COL24A1: variants seen among roughly 807,000 people sequenced by gnomAD.
COL24A1 encodes collagen type XXIV alpha 1 chain.
COL24A1 carries 224 observed loss-of-function variants against 253.9 expected under a neutral mutation model. That is an observed-to-expected ratio of 0.88 (90% confidence interval 0.79 to 0.99). The LOEUF (loss-of-function observed/expected upper bound fraction) is 0.99. COL24A1 is among the 50% of genes least tolerant of loss of function. The pLI, the probability that COL24A1 is intolerant of heterozygous loss-of-function variation, is 0.00. For synonymous variants in COL24A1, 685 were observed against 673.7 expected (o/e 1.02, Z -0.26); for missense variants, 2,131 against 2,068.5 (o/e 1.03, Z -0.59).
At chr1:85,746,068 T>C (rs1231053537) in intron 55 of COL24A1, among the ~76,000 whole-genome samples, 1 of 152,070 alleles carries the variant, frequency 6.6e-6, no homozygotes, top group Non-Finnish European at 1.5e-5. Flanking sequence ...AATATATTTT[T>C]AGAAAAAGAC....
intron 14 of COL24A1, among the ~76,000 whole-genome samples, chr1:86,031,219 C>T (rs1698540442): frequency 6.6e-6 from 1 of 151,908 alleles, no homozygotes. Context: ...CACATGTTCT[C>T]ACAAATATGT....
At chr1:85,844,148 G>T (rs900752217) in intron 39 of COL24A1, among the ~76,000 whole-genome samples, 2 of 151,882 alleles carry the variant, frequency 1.3e-5, no homozygotes, top group African/African-American at 4.8e-5. Flanking sequence ...AGAGAAAAAG[G>T]AATCTTTTGA....
At chr1:86,083,658 T>C (rs1037983350) in intron 7 of COL24A1, among the ~76,000 whole-genome samples, 1 of 152,126 alleles carries the variant, frequency 6.6e-6, no homozygotes, top group African/African-American at 2.4e-5. Context: ...TAGTTCTACT[T>C]AGCTAACCTG....
intron 58 of COL24A1, chr1:85,736,332 ACAAC>A (rs1557930356): frequency 2.2e-6 from 1 of 456,226 alleles, no homozygotes; most frequent in Non-Finnish European, 4.4e-6. Flanking sequence ...GGTCATGGAA[ACAAC>A]TAGAGTCCGC....
intron 3 of COL24A1, 78 bp from the exon 4 acceptor site, chr1:86,115,456 C>T (rs1400915824): frequency 2.2e-6 from 3 of 1,384,682 alleles, no homozygotes; most frequent in Non-Finnish European, 3.0e-6. Context: ...AAGATTTCCA[C>T]CCAAAGACAA....
intron 5 of COL24A1, among the ~76,000 whole-genome samples, chr1:86,107,891 T>C (rs1361122932): frequency 6.6e-6 from 1 of 152,202 alleles, no homozygotes; most frequent in Non-Finnish European, 1.5e-5. Flanking sequence ...GACACAGTTA[T>C]CAAATTCTTA....
At chr1:85,784,975 C>T (rs1669531181) in intron 48 of COL24A1, among the ~76,000 whole-genome samples, 1 of 152,082 alleles carries the variant, frequency 6.6e-6, no homozygotes, top group African/African-American at 2.4e-5. Context: ...AAGTGATCCT[C>T]CTGCATTAGC....
chr1:86,038,335 T>C (rs1371243628), intron 12 of COL24A1, among the ~76,000 whole-genome samples: 1 of 152,164 alleles, frequency 6.6e-6, no homozygotes, highest in Admixed American at 6.6e-5. Context: ...AATTAGATAA[T>C]TAATTTCTCT....
At chr1:85,779,289 G>C (rs941870070) in intron 52 of COL24A1, among the ~76,000 whole-genome samples, 9 of 152,122 alleles carry the variant, frequency 5.9e-5, no homozygotes, top group Admixed American at 4.6e-4. Context: ...ACGTAGGAGT[G>C]AACATCTGGC....
chr1:86,153,576 A>C (rs1653071042), intron 1 of COL24A1, among the ~76,000 whole-genome samples: 1 of 152,216 alleles, frequency 6.6e-6, no homozygotes. Flanking sequence ...TAATTCCCAT[A>C]ATAACATTTA....
intron 5 of COL24A1, among the ~76,000 whole-genome samples, chr1:86,099,258 TA>T (rs1370296766): frequency 6.6e-6 from 1 of 152,168 alleles, no homozygotes; most frequent in Admixed American, 6.5e-5. Context: ...AATCTGTTTT[TA>T]AAGGAAACTT....
At chr1:86,001,298 G>A (rs1039657234) in intron 19 of COL24A1, among the ~76,000 whole-genome samples, 1 of 152,188 alleles carries the variant, frequency 6.6e-6, no homozygotes. Context: ...ATGGCAAATA[G>A]CATTTACAAC....
intron 53 of COL24A1, among the ~76,000 whole-genome samples, chr1:85,773,077 T>C (rs534509576): frequency 7.0e-4 from 107 of 152,304 alleles, no homozygotes; most frequent in Admixed American, 3.4e-3. Flanking sequence ...CAGTTTCAGT[T>C]TTCTGCATAT....
chr1:85,925,690 C>T (rs983592220), intron 24 of COL24A1, among the ~76,000 whole-genome samples: 1 of 152,016 alleles, frequency 6.6e-6, no homozygotes, highest in African/African-American at 2.4e-5. Flanking sequence ...GATTAAAGAC[C>T]TAAATGTTAG....
chr1:85,945,996 T>A (rs1465208123), intron 24 of COL24A1, among the ~76,000 whole-genome samples: 1 of 152,118 alleles, frequency 6.6e-6, no homozygotes, highest in East Asian at 1.9e-4. Context: ...CTGGGGAATT[T>A]GGATTTGGGG....
In COL24A1 at chr1:85,977,968, G is replaced by A. The variant is rs531213339; in HGVS notation, c.2365-6575C>T. On this transcript the variant is annotated intron_variant, in intron 20 of 59. Coordinates refer to ENST00000370571, the MANE Select transcript of COL24A1 (RefSeq NM_152890.7). ...CAAGATGAAGGAAAGAATCATACGA[G>A]CTGTGAGGCAAAAGCATCAGGTAGC... 3.3e-5 allele frequency among the ~76,000 whole-genome samples: 5 copies of A among 152,228 alleles called. No individual in the cohort carries two copies. In the East Asian group the frequency reaches 7.7e-4, roughly 24 times the overall value.
At chr1:86,131,283 G>A (rs1313353258) in intron 2 of COL24A1, among the ~76,000 whole-genome samples, 2 of 151,814 alleles carry the variant, frequency 1.3e-5, no homozygotes, top group Non-Finnish European at 2.9e-5. Context: ...CATTGCACAG[G>A]TTCAAATTTT....
intron 55 of COL24A1, among the ~76,000 whole-genome samples, chr1:85,756,185 C>T (rs918903950): frequency 2.0e-5 from 3 of 151,800 alleles, no homozygotes; most frequent in Admixed American, 6.6e-5. Flanking sequence ...TTTGGGAGGC[C>T]GAGGTAGGCA....
At chr1:85,949,127 T>C (rs922499055) in intron 24 of COL24A1, among the ~76,000 whole-genome samples, 6 of 152,158 alleles carry the variant, frequency 3.9e-5, no homozygotes, top group African/African-American at 1.4e-4. Context: ...TATATTATTC[T>C]AAGATATTTT....
Sources: allele counts gnomAD v4.1 joint callset (sites outside exome capture counted in the v4.1 genomes callset), GRCh38; gene constraint gnomAD v4.1.1; transcripts MANE v1.5; gene names NCBI Gene and HGNC (gene_info 2026-07-23, HGNC 2026-07-21).